NTAN1: variants seen among roughly 807,000 people sequenced by gnomAD.
NTAN1 encodes protein N-terminal asparagine amidohydrolase.
Under a neutral mutation model 41.9 loss-of-function variants are expected in NTAN1, and 32 were observed. That is an observed-to-expected ratio of 0.76 (90% CI 0.58 to 1.03). The LOEUF (loss-of-function observed/expected upper bound fraction) is 1.03, where lower values mean the gene tolerates loss of function less well. NTAN1 is among the 50% of genes least tolerant of loss of function. The probability of loss-of-function intolerance (pLI) is 0.00; values close to 1 mark genes in which losing one functional copy is unlikely to be tolerated. For missense variants in NTAN1, 377 were observed against 377.5 expected (o/e 1.00, Z 0.01); for synonymous variants, 140 against 139.5 (o/e 1.00, Z -0.03).
In NTAN1 at chr16:15,038,617, T is replaced by C. The variant is rs1398353809; in HGVS notation, c.710A>G (p.His237Arg). Residue 237 changes from histidine to arginine, a missense_variant, in exon 9 of 10, where the codon CAT becomes CGT. Coordinates refer to ENST00000287706, the MANE Select transcript of NTAN1 (RefSeq NM_173474.4). ...IGPYSWTPFP[H>R]VDFWLHQDDK... ...ATCTTGGTGCAACCAGAAATCCACA[T>C]GTGGAAATGGTGTCCAGGAGTACGG... The C allele has an allele frequency of 6.2e-7, 1 of 1,609,354 alleles. No homozygotes were observed. Among genetic ancestry groups the C allele is most frequent in the South Asian group, 1.1e-5 (1 of 90,896 alleles).
Position 15,041,700 on chromosome 16 carries a change from G to A in NTAN1, c.434-24C>T, listed in dbSNP as rs201675903. The stretch of plus-strand genomic sequence containing the variant: ...ACCTATGATGAGAATTTTAAGACCA[G>A]AAGTCAGAAAAGTTCCTCTAGTTAC... On this transcript the variant is annotated intron_variant, in intron 5 of 9. Coordinates refer to ENST00000287706, the MANE Select transcript of NTAN1 (RefSeq NM_173474.4). 28 of 1,582,500 alleles carry A rather than the reference G, an allele frequency of 1.8e-5. No homozygotes were observed. The East Asian group carries it at 6.0e-4, about 34-fold the overall frequency.
chr16:15,043,001 A>G (rs1168334857), intron 5 of NTAN1, among the ~76,000 whole-genome samples: 3 of 151,918 alleles, frequency 2.0e-5, no homozygotes, highest in Non-Finnish European at 2.9e-5. Context: ...CCCGGGTTCA[A>G]GCGGTTCTCC....
In NTAN1 at chr16:15,055,976, G is replaced by T. The variant is rs2044498677; in HGVS notation, c.-5C>A. The T allele has an allele frequency of 8.2e-7, 1 of 1,220,402 alleles. No homozygotes were observed. Among genetic ancestry groups the T allele is most frequent in the African/African-American group, 1.6e-5 (1 of 63,792 alleles). The allele number at this position is 1,220,402 out of a possible 1,614,324, so 75.6% of individuals were successfully genotyped here. On this transcript the variant is annotated 5_prime_UTR_variant, in exon 1 of 10. Transcript: ENST00000287706. ...CCCCTCGACGAGCAGCGGCATCGCG[G>T]AGGCGGCCGCCCAGGCAGGCCCAGG...
rs764551545 is a variant in NTAN1, at chr16:15,038,132, G to A, written c.832C>T (p.His278Tyr). 1.5e-5 allele frequency: 24 copies of A among 1,612,040 alleles called. No homozygotes were observed. Among genetic ancestry groups the A allele is most frequent in the Non-Finnish European group, 1.7e-5 (20 of 1,178,356 alleles). ...IRSTLMFLKK[H>Y]PSPAHTLFSG... ...AACAGTGTGTGAGCTGGAGATGGGT[G>A]TTTTTTTAAAAACATCAAGGTAGAT... Residue 278 changes from histidine to tyrosine, a missense_variant, in exon 10 of 10, where the codon CAC (histidine) becomes TAC (tyrosine). Physicochemically the swap from His to Tyr is moderately conservative, Grantham distance 83. Coordinates refer to ENST00000287706, the MANE Select transcript of NTAN1 (RefSeq NM_173474.4).
At chr16:15,040,296 A>T (rs2043755390) in intron 7 of NTAN1, 1 of 417,602 alleles carries the variant, frequency 2.4e-6, no homozygotes. Context: ...TTTGTTCTAA[A>T]CCAAGAGCTG....
At chr16:15,049,840 G>A (rs1313896490) in intron 1 of NTAN1, among the ~76,000 whole-genome samples, 4 of 152,086 alleles carry the variant, frequency 2.6e-5, no homozygotes, top group African/African-American at 7.2e-5. Flanking sequence ...TGAAAACTAT[G>A]GGAAAAAGAG....
intron 3 of NTAN1, 112 bp from the exon 4 acceptor site, chr16:15,047,662 GA>G: frequency 3.1e-6 from 3 of 953,726 alleles, no homozygotes; most frequent in Non-Finnish European, 5.1e-6. Context: ...TCCTGTAGGG[GA>G]AAAACGGACA....
At chr16:15,044,296 T>C (rs1252826428) in intron 5 of NTAN1, 38 bp downstream of exon 5, 1 of 1,418,828 alleles carries the variant, frequency 7.0e-7, no homozygotes, top group East Asian at 2.3e-5. Context: ...TACATATTTA[T>C]GTCCAATTTG....
chr16:15,038,321 G>A (rs896913454), intron 9 of NTAN1, 111 bp from the exon 10 acceptor site: 93 of 791,626 alleles, frequency 1.2e-4, no homozygotes, highest in Non-Finnish European at 1.4e-4. Flanking sequence ...AATAAAATAC[G>A]TTAAGAAATG....
chr16:15,039,720 G>A lies in NTAN1; in HGVS notation c.639+249C>T, dbSNP rs191758580. Among the ~76,000 whole-genome samples the A allele has an allele frequency of 8.5e-5, 13 of 152,200 alleles. No individual in the cohort carries two copies. The South Asian group carries it at 1.5e-3, about 17-fold the overall frequency. ...ACAGAAGTTTGTTCTCTTTGAATTC[G>A]GATGCTGGGGTTCACACTTACCTCC... On this transcript the variant is annotated intron_variant, in intron 8 of 9. Coordinates refer to ENST00000287706, the MANE Select transcript of NTAN1 (RefSeq NM_173474.4).
chr16:15,055,499 A>G (rs1372544084), intron 1 of NTAN1, among the ~76,000 whole-genome samples: 2 of 152,234 alleles, frequency 1.3e-5, no homozygotes, highest in Non-Finnish European at 2.9e-5. Flanking sequence ...AGGACGAAGC[A>G]ACGTTCACCG....
chr16:15,048,356 GC>G (rs1184817867), intron 1 of NTAN1, among the ~76,000 whole-genome samples: 5 of 152,150 alleles, frequency 3.3e-5, no homozygotes, highest in African/African-American at 1.2e-4. Context: ...GAAATGAGAT[GC>G]AAAAATCCTT....
chr16:15,049,623 G>A (rs926617860), intron 1 of NTAN1, among the ~76,000 whole-genome samples: 1 of 151,182 alleles, frequency 6.6e-6, no homozygotes, highest in Admixed American at 6.6e-5. Flanking sequence ...ACTGGGTTTC[G>A]CCATGTTGGC....
At chr16:15,038,833 G>A (rs574546354) in intron 8 of NTAN1, 146 bp from the exon 9 acceptor site, 1 of 582,866 alleles carries the variant, frequency 1.7e-6, no homozygotes, top group African/African-American at 1.9e-5. Context: ...AAAGCTGCCA[G>A]CTACTGAACA....
chr16:15,043,861 T>A (rs1427264860), intron 5 of NTAN1, among the ~76,000 whole-genome samples: 1 of 152,004 alleles, frequency 6.6e-6, no homozygotes, highest in Non-Finnish European at 1.5e-5. Context: ...GGCAAGAGAA[T>A]TGCTTGAACC....
intron 5 of NTAN1, 118 bp from the exon 6 acceptor site, chr16:15,041,794 A>G: frequency 6.6e-6 from 5 of 756,736 alleles, no homozygotes; most frequent in Non-Finnish European, 1.2e-5. Flanking sequence ...TCCGCCCTAC[A>G]GCCCGCGCCC....
chr16:15,038,098 T>G lies in NTAN1; in HGVS notation c.866A>C (p.Asn289Thr). The change falls in exon 10 of 10, where the codon AAT becomes ACT. Residue 289 changes from asparagine (N) to threonine (T), a missense_variant. Coordinates refer to ENST00000287706, the MANE Select transcript of NTAN1 (RefSeq NM_173474.4). The stretch of plus-strand genomic sequence containing the variant: ...ATTTTTTTTGTAGAGTAGGGCTTTA[T>G]TTCCAGAAAACAGTGTGTGAGCTGG... Reference protein sequence around the residue: ...PSPAHTLFSGNKALLYKKNED... With the variant: ...PSPAHTLFSGTKALLYKKNED... The G allele has an allele frequency of 6.2e-7, 1 of 1,613,128 alleles. No individual in the cohort carries two copies. The highest frequency in any genetic ancestry group is 1.3e-5 in the African/African-American group (1 of 75,032).
Position 15,047,849 on chromosome 16 carries a change from T to C in NTAN1, c.250+6A>G. 1 of 1,609,048 alleles carries C rather than the reference T, an allele frequency of 6.2e-7. No homozygotes were observed. The highest frequency in any genetic ancestry group is 8.5e-7 in the Non-Finnish European group (1 of 1,175,368). ...GTAATGGTTTCCTTCACCTCTCTCA[T>C]CATACCTGTGTGCCTCAGGACCACA... On this transcript the variant is annotated splice_donor_region_variant and intron_variant, in intron 3 of 9. Coordinates refer to ENST00000287706, the MANE Select transcript of NTAN1 (RefSeq NM_173474.4).
intron 4 of NTAN1, chr16:15,047,149 G>T (rs970313483): frequency 2.3e-6 from 1 of 438,040 alleles, no homozygotes; most frequent in Non-Finnish European, 4.1e-6. Flanking sequence ...ACACCCGGGG[G>T]AGAGCAAAAC....
Sources: gnomAD v4.1 joint callset for allele counts (sites outside exome capture counted in the v4.1 genomes callset) on GRCh38, gnomAD v4.1.1 for gene constraint, MANE v1.5 for transcripts, NCBI Gene and HGNC (gene_info 2026-07-23, HGNC 2026-07-21) for gene names.